The following APAF1 variants were observed in gnomAD, a reference collection of about 807,000 sequenced individuals.
The protein encoded by APAF1 is apoptotic protease-activating factor 1.
A neutral mutation model predicts 152.4 loss-of-function variants in APAF1; 91 were observed. The ratio of observed to expected loss-of-function variants is 0.60; its 90% CI spans 0.50 to 0.71. The LOEUF (loss-of-function observed/expected upper bound fraction) is 0.71. Among genes scored for constraint, APAF1 ranks in the 30% least tolerant of loss-of-function variants. APAF1 has a pLI of 0.00. For synonymous variants in APAF1, 484 were observed against 494.1 expected, an observed-to-expected ratio of 0.98 and a Z score of 0.27; for missense variants, 1,283 against 1,472.0, an observed-to-expected ratio of 0.87 and a Z score of 2.10.
At chr12:98,677,326 C>A in intron 12 of APAF1, 99 bp from the exon 13 acceptor site, 2 of 1,261,586 alleles carry the variant, frequency 1.6e-6, no homozygotes, top group Non-Finnish European at 2.3e-6. Context: ...TTTTGGGGAA[C>A]ATAACCATGT....
intron 24 of APAF1, among the ~76,000 whole-genome samples, chr12:98,724,654 T>C (rs1210314385): frequency 6.6e-6 from 1 of 152,236 alleles, no homozygotes; most frequent in East Asian, 1.9e-4. Context: ...GGTTAGCTGC[T>C]CTACCTCCAG....
intron 16 of APAF1, among the ~76,000 whole-genome samples, chr12:98,692,377 C>G (rs1296422577): frequency 6.6e-6 from 1 of 152,180 alleles, no homozygotes; most frequent in African/African-American, 2.4e-5. Context: ...GCCACTGCAC[C>G]CAGCCTATGT....
chr12:98,667,866 GC>G (rs1221016370), intron 10 of APAF1, among the ~76,000 whole-genome samples: 1 of 149,234 alleles, frequency 6.7e-6, no homozygotes, highest in Non-Finnish European at 1.5e-5. Flanking sequence ...CACCTCCTGG[GC>G]TCAAGTGATC....
rs1369226459 is a variant in APAF1, at chr12:98,727,962, AAATAAATT to A, written c.3600+650_3600+657del. Reference sequence around the variant, plus strand: ...GTCTCAAAAAAGAAAATAAATAAATAAATAAATTAATTAATTAATTAATTAAAAAAATA... The same window carrying A: ...GTCTCAAAAAAGAAAATAAATAAATAAATTAATTAATTAATTAAAAAAATA... On this transcript the variant is annotated intron_variant, in intron 26 of 26. Coordinates refer to ENST00000551964, the MANE Select transcript of APAF1 (RefSeq NM_181861.2). 5.5e-3 allele frequency among the ~76,000 whole-genome samples: 797 copies of A among 143,704 alleles called. 5 individuals are homozygous for A. Among genetic ancestry groups the A allele is most frequent in the African/African-American group, 0.019 (735 of 38,582 alleles). 94.3% of individuals were successfully genotyped at this position (143,704 alleles called of 152,430 possible).
chr12:98,654,327 G>A (rs2097653617), intron 4 of APAF1, among the ~76,000 whole-genome samples: 1 of 152,052 alleles, frequency 6.6e-6, no homozygotes, highest in Non-Finnish European at 1.5e-5. Context: ...TAGGTAATAG[G>A]TACATAAATT....
rs533815849 is a variant in APAF1 at position 98,699,687 on chromosome 12, A to G, written c.2466+118A>G. The G allele has an allele frequency of 2.6e-5, 30 of 1,152,992 alleles. No individual in the cohort carries two copies. The African/African-American group carries it at 4.4e-4, about 17-fold the overall frequency. The allele number at this position is 1,152,992 out of a possible 1,614,324, so 71.4% of individuals were successfully genotyped here. On this transcript the variant is annotated intron_variant, in intron 17 of 26. Coordinates refer to ENST00000551964, the MANE Select transcript of APAF1 (RefSeq NM_181861.2). Reference sequence around the variant, plus strand: ...AAAGTCTAGCTGTGTGATTTTGGGCAGTCTTCCTAACCTGTCATGGTTCTT... The same window carrying G: ...AAAGTCTAGCTGTGTGATTTTGGGCGGTCTTCCTAACCTGTCATGGTTCTT...
chr12:98,709,464 A>G (rs1218636598), intron 20 of APAF1, among the ~76,000 whole-genome samples: 1 of 152,114 alleles, frequency 6.6e-6, no homozygotes, highest in Non-Finnish European at 1.5e-5. Flanking sequence ...CAGATGCCCT[A>G]AGGAGCACTG....
chr12:98,648,930 A>G (rs1001439615), intron 3 of APAF1, 115 bp downstream of exon 3: 6 of 1,030,390 alleles, frequency 5.8e-6, no homozygotes, highest in African/African-American at 3.1e-5. Context: ...ACTGCATGTT[A>G]AAAAAATTGT....
intron 1 of APAF1, among the ~76,000 whole-genome samples, chr12:98,647,267 A>T (rs1486480489): frequency 2.0e-5 from 3 of 151,862 alleles, no homozygotes; most frequent in Admixed American, 6.6e-5. Flanking sequence ...AAAAAAAAAA[A>T]AATAAGACAA....
chr12:98,662,432 A>T (rs1593034319), intron 5 of APAF1, 24 bp from the exon 6 acceptor site: 1 of 1,505,952 alleles, frequency 6.6e-7, no homozygotes, highest in East Asian at 2.3e-5. Context: ...GTCATTAGTG[A>T]TTAATATTTT....
chr12:98,713,789 A>C (rs1299374604), intron 21 of APAF1, among the ~76,000 whole-genome samples: 1 of 152,158 alleles, frequency 6.6e-6, no homozygotes, highest in African/African-American at 2.4e-5. Context: ...ATTCATTTTC[A>C]TAAGGAATTA....
chr12:98,723,694 C>T lies in APAF1; in HGVS notation c.3260C>T (p.Thr1087Ile). The T allele has an allele frequency of 6.2e-7, 1 of 1,609,870 alleles. No individual in the cohort carries two copies. Among genetic ancestry groups the T allele is most frequent in the Non-Finnish European group, 8.5e-7 (1 of 1,177,404 alleles). ...KEKDFVCHQG[T>I]VLSCDISHDA... The stretch of plus-strand genomic sequence containing the variant: ...AAAGACTTTGTCTGTCACCAGGGTA[C>T]AGTACTTTCTTGTGACATTTCTCAC... Residue 1087 changes from threonine to isoleucine, a missense_variant, in exon 24 of 27, where the codon ACA becomes ATA. Transcript: ENST00000551964.
intron 16 of APAF1, among the ~76,000 whole-genome samples, chr12:98,695,793 A>G (rs2097709241): frequency 6.6e-6 from 1 of 152,208 alleles, no homozygotes; most frequent in East Asian, 1.9e-4. Context: ...CCTTTATCAG[A>G]AGGTACTGGG....
At chr12:98,653,872 G>A (rs866336232) in intron 4 of APAF1, among the ~76,000 whole-genome samples, 25 of 151,038 alleles carry the variant, frequency 1.7e-4, no homozygotes, top group Middle Eastern at 6.8e-3. Context: ...TACTGTATTC[G>A]TATGTTGGTT....
intron 10 of APAF1, among the ~76,000 whole-genome samples, chr12:98,668,073 C>T (rs377713202): frequency 6.6e-6 from 1 of 152,078 alleles, no homozygotes; most frequent in East Asian, 1.9e-4. Context: ...CATGAGCCAC[C>T]GCGGCTGGCT....
intron 25 of APAF1, 80 bp from the exon 26 acceptor site, chr12:98,727,093 T>C (rs890554406): frequency 5.4e-6 from 7 of 1,296,130 alleles, no homozygotes; most frequent in African/African-American, 4.4e-5. Context: ...AGAATACATA[T>C]ATATGGACAT....
At chr12:98,677,262 T>C (rs948857666) in intron 12 of APAF1, among the ~76,000 whole-genome samples, 163 bp from the exon 13 acceptor site, 25 of 152,328 alleles carry the variant, frequency 1.6e-4, no homozygotes, top group African/African-American at 5.5e-4. Context: ...TTTTTTCTTT[T>C]GGTGATCTGT....
chr12:98,676,405 C>A (rs903829875), intron 12 of APAF1, among the ~76,000 whole-genome samples: 1 of 151,814 alleles, frequency 6.6e-6, no homozygotes, highest in African/African-American at 2.4e-5. Context: ...GATGGGGTTT[C>A]ACCATGTTGG....
chr12:98,693,105 G>T (rs1296151699), intron 16 of APAF1, among the ~76,000 whole-genome samples: 2 of 151,670 alleles, frequency 1.3e-5, no homozygotes, highest in East Asian at 3.8e-4. Flanking sequence ...TTATATAGCA[G>T]TGTTTTGTAG....
Sources: gnomAD v4.1 joint callset for allele counts (sites outside exome capture counted in the v4.1 genomes callset) on GRCh38, gnomAD v4.1.1 for gene constraint, MANE v1.5 for transcripts, NCBI Gene and HGNC (gene_info 2026-07-23, HGNC 2026-07-21) for gene names.